PDGFA: variants seen among roughly 807,000 people sequenced by gnomAD.
The protein encoded by PDGFA is platelet-derived growth factor subunit A.
Under a neutral mutation model 25.6 loss-of-function variants are expected in PDGFA, and 9 were observed. The observed-to-expected ratio is 0.35, with a 90% CI of 0.21 to 0.61. PDGFA has a LOEUF of 0.61. Ranked by LOEUF, PDGFA falls within the 20% of genes least tolerant of loss-of-function variation. PDGFA has a pLI of 0.75. For synonymous variants in PDGFA, 133 were observed against 111.8 expected, an observed-to-expected ratio of 1.19 and a Z score of -1.20; for missense variants, 242 against 272.8, an observed-to-expected ratio of 0.89 and a Z score of 0.79.
At chr7:510,541 G>A (rs1370245907) in intron 4 of PDGFA, among the ~76,000 whole-genome samples, 2 of 120,220 alleles carry the variant, frequency 1.7e-5, no homozygotes, top group Admixed American at 8.4e-5. Context: ...GGTGGTGGAC[G>A]CGGGAGGGAC....
rs1019666607 is a variant in PDGFA at position 509,592 on chromosome 7, G to A, written c.453+1217C>T. On this transcript the variant is annotated intron_variant, in intron 4 of 5. Transcript: ENST00000402802. ...AGGTGTGAGCCACCTCGCCTGGCCCGATTAGTTTCTAGGGTAGAGGCTTCA... is the reference window on the plus strand; with the variant it reads ...AGGTGTGAGCCACCTCGCCTGGCCCAATTAGTTTCTAGGGTAGAGGCTTCA... 5.9e-5 allele frequency among the ~76,000 whole-genome samples: 9 copies of A among 152,100 alleles called. No homozygotes were observed. The South Asian group carries it at 6.2e-4, about 11-fold the overall frequency.
rs113244825 is a variant in PDGFA, at chr7:509,437, C to G, written c.453+1372G>C. ...TCCAGAGTAGCTGGGACGACAGGCA[C>G]TTGCCACCACGCCTGGCTAATTTTT... On this transcript the variant is annotated intron_variant, in intron 4 of 5. Coordinates refer to ENST00000402802, the Ensembl canonical transcript of PDGFA. Among the ~76,000 whole-genome samples, 573 of 152,266 alleles carry G rather than the reference C, an allele frequency of 3.8e-3. 3 individuals carry two copies. Among genetic ancestry groups the G allele is most frequent in the African/African-American group, 0.013 (538 of 41,556 alleles).
At chr7:512,241 G>A (rs779747893) in intron 3 of PDGFA, 110 bp downstream of exon 3, 25 of 1,048,466 alleles carry the variant, frequency 2.4e-5, no homozygotes, top group Admixed American at 7.4e-5. Flanking sequence ...AGGCCACTGC[G>A]CTGGGAGAGC....
chr7:520,055 A>T, upstream of PDGFA: 1 of 397,054 alleles, frequency 2.5e-6, no homozygotes, highest in Non-Finnish European at 5.0e-6. Flanking sequence ...AGCTAAATCC[A>T]TCAAAGCCCC....
intron 4 of PDGFA, among the ~76,000 whole-genome samples, chr7:501,655 T>C (rs375031117): frequency 2.0e-4 from 30 of 152,300 alleles, no homozygotes; most frequent in African/African-American, 6.7e-4. Flanking sequence ...ACTCCTGGAC[T>C]CAAGTGATCC....
At chr7:506,221 T>C (rs2128395880) in intron 4 of PDGFA, among the ~76,000 whole-genome samples, 1 of 148,642 alleles carries the variant, frequency 6.7e-6, no homozygotes, top group South Asian at 2.2e-4. Context: ...AGGAGGTTCA[T>C]ACCTGTGATC....
chr7:510,627 G>A (rs1342609543), intron 4 of PDGFA, among the ~76,000 whole-genome samples, 182 bp downstream of exon 4: 1 of 86,708 alleles, frequency 1.2e-5, no homozygotes, highest in Non-Finnish European at 2.3e-5. Flanking sequence ...GAGGGGAGGG[G>A]CAGGGCTCAC....
chr7:517,185 G>T lies in PDGFA; in HGVS notation c.160+209C>A, dbSNP rs1361376260. ...CCTTAAAGGCGAAAACAATCCCGGGGCGAGCGAGCAGCCCTCGGCCGCCGC... is the reference window on the plus strand; with the variant it reads ...CCTTAAAGGCGAAAACAATCCCGGGTCGAGCGAGCAGCCCTCGGCCGCCGC... On this transcript the variant is annotated intron_variant, in intron 2 of 5. Coordinates refer to ENST00000402802, the Ensembl canonical transcript of PDGFA. This position sits in a 1 kb window ranked among gnomAD's most constrained non-coding sequence, Gnocchi z 7.4. Among the ~76,000 whole-genome samples the T allele has an allele frequency of 1.3e-5, 2 of 151,760 alleles. No homozygotes were observed. The highest frequency in any genetic ancestry group is 2.9e-5 in the Non-Finnish European group (2 of 67,922).
intron 4 of PDGFA, among the ~76,000 whole-genome samples, chr7:509,463 G>A (rs536605118): frequency 6.6e-6 from 1 of 152,096 alleles, no homozygotes; most frequent in Non-Finnish European, 1.5e-5. Context: ...GCTAATTTTT[G>A]TATTTCTTGT....
intron 3 of PDGFA, among the ~76,000 whole-genome samples, chr7:511,294 G>GC (rs1562490197): frequency 6.9e-5 from 6 of 86,858 alleles, no homozygotes; most frequent in African/African-American, 2.8e-4. Flanking sequence ...GCTGGGGGTG[G>GC]GGAGAGGGGA....
chr7:500,960 G>A lies in PDGFA; in HGVS notation c.580+156C>T, dbSNP rs575901253. 9.8e-5 allele frequency: 156 copies of A among 1,597,018 alleles called. No homozygotes were observed. In the South Asian group the frequency reaches 1.6e-3, roughly 16 times the overall value. The stretch of plus-strand genomic sequence containing the variant: ...AGGTGTGGGATCCGTCTCCCCCGCA[G>A]GCATCTGGCCCGGGAGCAGGGCAAC... On this transcript the variant is annotated intron_variant, in intron 5 of 5. Transcript: ENST00000402802. This position sits in a 1 kb window ranked among gnomAD's most constrained non-coding sequence, Gnocchi z 5.0.
intron 4 of PDGFA, among the ~76,000 whole-genome samples, 176 bp from the exon 5 acceptor site, chr7:501,418 A>G (rs1320046081): frequency 1.3e-5 from 2 of 152,062 alleles, no homozygotes; most frequent in East Asian, 1.9e-4. Context: ...AAAACCTACA[A>G]GCTGCAGTGC....
Position 501,141 on chromosome 7 carries a change from AT to A in PDGFA, c.554del (p.Asn185IlefsTer11). 1 of 1,614,206 alleles carries A rather than the reference AT, an allele frequency of 6.2e-7. No homozygotes were observed. Among genetic ancestry groups the A allele is most frequent in the Non-Finnish European group, 8.5e-7 (1 of 1,180,042 alleles). ...CCGTGTCCTCTTCCCGATAATCCGGATTCAGGCTTGTGGTCGCGCAGGCGCA... is the reference window on the plus strand; with the variant it reads ...CCGTGTCCTCTTCCCGATAATCCGGATCAGGCTTGTGGTCGCGCAGGCGCA... On this transcript the variant is annotated frameshift_variant, in exon 5 of 6. Transcript: ENST00000402802. LOFTEE classifies it high-confidence loss of function.
intron 4 of PDGFA, among the ~76,000 whole-genome samples, 196 bp downstream of exon 4, chr7:510,613 A>G (rs1583150921): frequency 1.0e-4 from 2 of 19,178 alleles, no homozygotes; most frequent in Non-Finnish European, 1.9e-4. Context: ...AGGGGAGGGG[A>G]GAGGAGGGGA....
In PDGFA at chr7:517,347, G is replaced by A. The variant is rs1783154641; in HGVS notation, c.160+47C>T. 1.0e-6 allele frequency: 1 copy of A among 968,872 alleles called. No homozygotes were observed. The highest frequency in any genetic ancestry group is 4.0e-5 in the East Asian group (1 of 24,862). The allele number at this position is 968,872 out of a possible 1,614,324, so 60.0% of individuals were successfully genotyped here. A position where few individuals can be genotyped will look rare whatever the true frequency, so the allele number is the denominator to read the frequency against. ...GGCCCCAGCTCGGGGCGCACAGGCC[G>A]CCCGCCCGCGCCCTCCCCGCGCGCG... is the stretch of plus-strand genomic sequence containing the variant. On this transcript the variant is annotated intron_variant, in intron 2 of 5. Coordinates refer to ENST00000402802, the Ensembl canonical transcript of PDGFA. This position sits in a 1 kb window ranked among gnomAD's most constrained non-coding sequence, Gnocchi z 7.4.
At chr7:504,796 G>C (rs1342143036) in intron 4 of PDGFA, among the ~76,000 whole-genome samples, 3 of 152,228 alleles carry the variant, frequency 2.0e-5, no homozygotes, top group Non-Finnish European at 4.4e-5. Flanking sequence ...ACCAGGGCCT[G>C]GCTCGGCAGA....
At chr7:511,485 A>G (rs28472363) in intron 3 of PDGFA, among the ~76,000 whole-genome samples, 64,362 of 151,304 alleles carry the variant, frequency 0.43, 14,337 homozygotes, top group East Asian at 0.67. Context: ...TAGCCTTCAA[A>G]AGTGGTCTGA....
intron 2 of PDGFA, chr7:512,718 C>T (rs1236806546): frequency 1.3e-5 from 17 of 1,325,756 alleles, no homozygotes; most frequent in South Asian, 4.3e-5. Context: ...TTCAGGGGCC[C>T]GTGACGAAGC....
At chr7:518,591 C>T in intron 1 of PDGFA, 1 of 272,170 alleles carries the variant, frequency 3.7e-6, no homozygotes, top group Non-Finnish European at 6.9e-6. Context: ...CAGGCTCCGC[C>T]GGCTCACACA....
Sources: gnomAD v4.1 joint callset for allele counts (sites outside exome capture counted in the v4.1 genomes callset) on GRCh38, gnomAD v4.1.1 for gene constraint, Gnocchi (gnomAD v3.1) non-coding constraint, MANE v1.5 for transcripts, NCBI Gene and HGNC (gene_info 2026-07-23, HGNC 2026-07-21) for gene names.